CNBD1: variants seen among roughly 807,000 people sequenced by gnomAD.
CNBD1 encodes cyclic nucleotide binding domain containing 1.
In CNBD1, 71 loss-of-function variants were observed where a neutral mutation model predicts 54.4. The observed-to-expected ratio is 1.30, with a 90% CI of 1.08 to 1.59. CNBD1 has a LOEUF of 1.59. Among genes scored for constraint, CNBD1 ranks in the 40% most tolerant of loss-of-function variants. CNBD1 has a pLI of 0.00. For synonymous variants in CNBD1, 182 were observed against 170.7 expected (o/e 1.07, Z -0.51); for missense variants, 659 against 518.0 (o/e 1.27, Z -2.64).
intron 8 of CNBD1, among the ~76,000 whole-genome samples, chr8:87,344,732 C>T (rs1304337146): frequency 1.3e-5 from 2 of 152,114 alleles, no homozygotes; most frequent in African/African-American, 2.4e-5. Context: ...ATACTGTACA[C>T]TTGGTACAAG....
At chr8:87,037,759 C>A (rs1809981049) in intron 4 of CNBD1, among the ~76,000 whole-genome samples, 1 of 152,094 alleles carries the variant, frequency 6.6e-6, no homozygotes, top group South Asian at 2.1e-4. Flanking sequence ...ATTTCTGATT[C>A]TTCAAAAACT....
In CNBD1 at chr8:87,127,718, T is replaced by A. The variant is rs75612394; in HGVS notation, c.432-78275T>A. Among the ~76,000 whole-genome samples the A allele has an allele frequency of 1.4e-3, 208 of 152,300 alleles. 1 individual carries two copies. The highest frequency in any genetic ancestry group is 2.4e-3 in the Non-Finnish European group (163 of 68,016). ...GTGATGAGAACAGACATTTGTTTCC[T>A]ATATCCTGATATTAATGGAAAAGCA... On this transcript the variant is annotated intron_variant, in intron 4 of 10. Transcript: ENST00000518476.
chr8:86,970,323 TA>T (rs1808190781), intron 4 of CNBD1, among the ~76,000 whole-genome samples: 1 of 152,208 alleles, frequency 6.6e-6, no homozygotes, highest in African/African-American at 2.4e-5. Context: ...CTATGTGTCT[TA>T]TTTTTTTCTG....
At chr8:86,869,704 G>T (rs762822169) in intron 1 of CNBD1, among the ~76,000 whole-genome samples, 4 of 152,022 alleles carry the variant, frequency 2.6e-5, no homozygotes, top group Non-Finnish European at 4.4e-5. Context: ...TTCTGGATGA[G>T]AATTATTTTA....
intron 1 of CNBD1, among the ~76,000 whole-genome samples, chr8:86,868,854 C>T (rs894828861): frequency 6.6e-6 from 1 of 151,928 alleles, no homozygotes; most frequent in Non-Finnish European, 1.5e-5. Flanking sequence ...ATTAAAGCAG[C>T]TAATTGGCTC....
intron 8 of CNBD1, among the ~76,000 whole-genome samples, chr8:87,306,143 T>C (rs1407473048): frequency 6.6e-6 from 1 of 152,046 alleles, no homozygotes; most frequent in African/African-American, 2.4e-5. Flanking sequence ...CCAACAAACA[T>C]ATGAAAAGAT....
intron 8 of CNBD1, among the ~76,000 whole-genome samples, chr8:87,344,115 G>C (rs1035125137): frequency 2.0e-5 from 3 of 151,962 alleles, no homozygotes; most frequent in African/African-American, 7.2e-5. Flanking sequence ...AAAATAAAAT[G>C]TGTTAGAAAA....
chr8:87,313,411 A>G (rs1268566795), intron 8 of CNBD1, among the ~76,000 whole-genome samples: 1 of 152,060 alleles, frequency 6.6e-6, no homozygotes, highest in Non-Finnish European at 1.5e-5. Context: ...AAGCAGTTAC[A>G]CTCAAGAAGT....
At chr8:87,070,348 C>T (rs186138569) in intron 4 of CNBD1, among the ~76,000 whole-genome samples, 23 of 152,058 alleles carry the variant, frequency 1.5e-4, no homozygotes, top group African/African-American at 4.8e-4. Flanking sequence ...GAGAAACCAC[C>T]TTTGGAATTG....
chr8:87,324,117 C>G (rs78939942), intron 8 of CNBD1, among the ~76,000 whole-genome samples: 1,849 of 90,568 alleles, frequency 0.02, 18 homozygotes, highest in African/African-American at 0.027. Context: ...ATTGATTTGC[C>G]TATATTGAAC....
At position 87,334,750 on chromosome 8, in the gene CNBD1, C is replaced by T. The variant is rs543552105; in HGVS notation, c.1043-16935C>T. 3.9e-3 allele frequency among the ~76,000 whole-genome samples: 569 copies of T among 146,070 alleles called. 8 individuals are homozygous for T. The highest frequency in any genetic ancestry group is 0.013 in the African/African-American group (517 of 39,108). On this transcript the variant is annotated intron_variant, in intron 8 of 10. Coordinates refer to ENST00000518476, the MANE Select transcript of CNBD1 (RefSeq NM_173538.3). ...TTTTTTTTTTTTTAAGATGGAGTCT[C>T]GCTCTGTTGCCAGGCCATAGTGCAG...
In CNBD1 at chr8:87,237,333, T is replaced by C. The variant is rs1388825566; in HGVS notation, c.771+221T>C. On this transcript the variant is annotated intron_variant, in intron 6 of 10. Coordinates refer to ENST00000518476, the MANE Select transcript of CNBD1 (RefSeq NM_173538.3). ...CATCTGACCACTGGCAGGGTTTGTG[T>C]GGTGTATTTGGTAACAGACAAGGTT... 26 of 345,576 alleles carry C rather than the reference T, an allele frequency of 7.5e-5. No individual in the cohort carries two copies. In the East Asian group the frequency reaches 1.2e-3, roughly 15 times the overall value. The allele number at this position is 345,576 out of a possible 1,614,324, so 21.4% of individuals were successfully genotyped here. A position where few individuals can be genotyped will look rare whatever the true frequency, so the allele number is the denominator to read the frequency against.
intron 3 of CNBD1, among the ~76,000 whole-genome samples, chr8:86,910,409 A>G (rs1308522383): frequency 2.6e-5 from 4 of 151,972 alleles, no homozygotes; most frequent in Admixed American, 2.6e-4. Flanking sequence ...AGAAAAAGGA[A>G]TTTTTTTCAA....
chr8:87,013,620 GTTTTGTT>G lies in CNBD1; in HGVS notation c.431+73885_431+73891del, dbSNP rs578228110. Among the ~76,000 whole-genome samples the G allele has an allele frequency of 2.0e-4, 29 of 142,422 alleles. No homozygotes were observed. In the South Asian group the frequency reaches 2.4e-3, roughly 12 times the overall value. The allele number at this position is 142,422 out of a possible 152,430, so 93.4% of individuals were successfully genotyped here. On this transcript the variant is annotated intron_variant, in intron 4 of 10. Transcript: ENST00000518476. ...CTAACAGTTTTTTTTTCTTTGTTTT[GTTTTGTT>G]TTTTGTTTTTTGTTTTTTTTTTGCA...
chr8:86,894,592 A>G (rs935011143), intron 2 of CNBD1, among the ~76,000 whole-genome samples: 8 of 152,138 alleles, frequency 5.3e-5, no homozygotes, highest in Admixed American at 3.3e-4. Context: ...TGACAAGTAT[A>G]TAATGACATG....
At chr8:87,004,230 C>A (rs896691058) in intron 4 of CNBD1, among the ~76,000 whole-genome samples, 5 of 152,048 alleles carry the variant, frequency 3.3e-5, no homozygotes, top group Non-Finnish European at 7.4e-5. Context: ...TCTGGGGAGG[C>A]CTCAGGAAGC....
chr8:87,006,998 AC>A (rs1409236148), intron 4 of CNBD1, among the ~76,000 whole-genome samples: 1 of 152,184 alleles, frequency 6.6e-6, no homozygotes, highest in Non-Finnish European at 1.5e-5. Flanking sequence ...GGATTTCAAG[AC>A]CAGCCTGGCC....
intron 9 of CNBD1, among the ~76,000 whole-genome samples, chr8:87,352,481 A>AAAAAAAAAAC (rs1355300257): frequency 3.3e-5 from 5 of 151,402 alleles, no homozygotes; most frequent in Admixed American, 2.6e-4. Context: ...TCTGTCTCAA[A>AAAAAAAAAAC]AAAAAAAAAA....
At chr8:87,408,498 T>C (rs1807687153) in intron 2 of CNBD1, among the ~76,000 whole-genome samples, 1 of 152,120 alleles carries the variant, frequency 6.6e-6, no homozygotes, top group Admixed American at 6.6e-5. Flanking sequence ...TTCTATTTAA[T>C]TGAGTCATCT....
Sources: allele counts gnomAD v4.1 joint callset (sites outside exome capture counted in the v4.1 genomes callset), GRCh38; gene constraint gnomAD v4.1.1; transcripts MANE v1.5; gene names NCBI Gene and HGNC (gene_info 2026-07-23, HGNC 2026-07-21).